Variants in ALPL observed in about 807,000 individuals in gnomAD.
ALPL encodes alkaline phosphatase, biomineralization associated, also known as alkaline phosphatase, tissue-nonspecific isozyme.
In ALPL, 42 loss-of-function variants were observed where a neutral mutation model predicts 51.3. The observed-to-expected ratio is 0.82, with a 90% CI of 0.64 to 1.06. The LOEUF (loss-of-function observed/expected upper bound fraction) is 1.06, where lower values mean the gene tolerates loss of function less well. Ranked by LOEUF, ALPL falls within the 50% of genes least tolerant of loss-of-function variation. The pLI is 0.00. For missense variants in ALPL, 589 were observed against 709.4 expected, an observed-to-expected ratio of 0.83 and a Z score of 1.93; for synonymous variants, 279 against 296.4, an observed-to-expected ratio of 0.94 and a Z score of 0.60.
chr1:21,535,768 A>T (rs1453637417), intron 1 of ALPL, among the ~76,000 whole-genome samples: 1 of 152,030 alleles, frequency 6.6e-6, no homozygotes. Flanking sequence ...AGTGGAACAA[A>T]CTCTCAAAGA....
intron 1 of ALPL, among the ~76,000 whole-genome samples, chr1:21,553,519 C>T (rs1644358797): frequency 6.6e-6 from 1 of 152,190 alleles, no homozygotes; most frequent in Non-Finnish European, 1.5e-5. Flanking sequence ...CAGGGCTTCT[C>T]AAGGTGTGGT....
At chr1:21,526,646 A>G (rs1215479008) in intron 1 of ALPL, among the ~76,000 whole-genome samples, 1 of 152,210 alleles carries the variant, frequency 6.6e-6, no homozygotes, top group African/African-American at 2.4e-5. Context: ...TGATGGTCAC[A>G]GGATGTGGTC....
chr1:21,519,401 G>T (rs148640553), intron 1 of ALPL, among the ~76,000 whole-genome samples: 1 of 152,226 alleles, frequency 6.6e-6, no homozygotes, highest in African/African-American at 2.4e-5. Context: ...TGATGAGTGC[G>T]ATACGTCTTT....
At chr1:21,537,666 A>T (rs981758749) in intron 1 of ALPL, among the ~76,000 whole-genome samples, 1 of 152,090 alleles carries the variant, frequency 6.6e-6, no homozygotes, top group African/African-American at 2.4e-5. Context: ...GAGCTCTGCC[A>T]TTGGTGACCG....
At chr1:21,522,015 A>G (rs1324767472) in intron 1 of ALPL, among the ~76,000 whole-genome samples, 1 of 151,912 alleles carries the variant, frequency 6.6e-6, no homozygotes, top group Non-Finnish European at 1.5e-5. Flanking sequence ...TCTGTGCCTC[A>G]GTTTCATGTG....
At chr1:21,530,022 G>A (rs1039252390) in intron 1 of ALPL, among the ~76,000 whole-genome samples, 6 of 152,094 alleles carry the variant, frequency 3.9e-5, no homozygotes, top group African/African-American at 7.2e-5. Flanking sequence ...TAATCCACCC[G>A]CCTTGGCTTC....
At chr1:21,555,331 G>A (rs1644398776) in intron 2 of ALPL, among the ~76,000 whole-genome samples, 1 of 152,188 alleles carries the variant, frequency 6.6e-6, no homozygotes, top group Non-Finnish European at 1.5e-5. Context: ...CTTCTTTTGT[G>A]ATTCTTCAGT....
At chr1:21,547,263 G>A (rs974018647) in intron 1 of ALPL, among the ~76,000 whole-genome samples, 1 of 144,926 alleles carries the variant, frequency 6.9e-6, no homozygotes, top group Non-Finnish European at 1.5e-5. Context: ...CCAGCACCCC[G>A]TTTCATCCCT....
At position 21,509,859 on chromosome 1, in the gene ALPL, TG is replaced by T. The variant is rs1322143511; in HGVS notation, c.-105+345del. On this transcript the variant is annotated intron_variant, in intron 1 of 11. Transcript: ENST00000374840. This position sits in a 1 kb window ranked among gnomAD's most constrained non-coding sequence, Gnocchi z 6.0. ...GCTGCCTGGGACCCTGCGCTCTGTC[TG>T]GGCACCTGCCCTTGGTGCCCCGTGA... is the stretch of plus-strand genomic sequence containing the variant. 6.6e-6 allele frequency among the ~76,000 whole-genome samples: 1 copy of T among 152,168 alleles called. No individual in the cohort carries two copies. The highest frequency in any genetic ancestry group is 2.4e-5 in the African/African-American group (1 of 41,448).
At chr1:21,516,442 C>T (rs1288733630) in intron 1 of ALPL, among the ~76,000 whole-genome samples, 1 of 152,150 alleles carries the variant, frequency 6.6e-6, no homozygotes, top group African/African-American at 2.4e-5. Context: ...GCCCAACATG[C>T]ACGTACTAGG....
At chr1:21,541,498 C>A (rs1037437527) in intron 1 of ALPL, among the ~76,000 whole-genome samples, 1 of 152,240 alleles carries the variant, frequency 6.6e-6, no homozygotes, top group African/African-American at 2.4e-5. Flanking sequence ...TTCCACCTAG[C>A]GACATTCCCT....
chr1:21,511,286 A>G (rs1218181375), intron 1 of ALPL, among the ~76,000 whole-genome samples: 1 of 152,210 alleles, frequency 6.6e-6, no homozygotes, highest in Non-Finnish European at 1.5e-5. Flanking sequence ...GGATTGGCCA[A>G]CCTTTGGCCC....
intron 1 of ALPL, among the ~76,000 whole-genome samples, chr1:21,548,838 G>A (rs1453642013): frequency 6.6e-6 from 1 of 152,146 alleles, no homozygotes; most frequent in Non-Finnish European, 1.5e-5. Context: ...AGTTGTAAGT[G>A]TCCTTGTACG....
intron 4 of ALPL, among the ~76,000 whole-genome samples, chr1:21,561,779 G>A (rs182274555): frequency 6.8e-6 from 1 of 147,672 alleles, no homozygotes; most frequent in Non-Finnish European, 1.5e-5. Context: ...TGATTCTTCT[G>A]CCTCAGCCTC....
chr1:21,516,178 C>T (rs1292843096), intron 1 of ALPL, among the ~76,000 whole-genome samples: 1 of 152,212 alleles, frequency 6.6e-6, no homozygotes, highest in African/African-American at 2.4e-5. Flanking sequence ...CTGCATCTGG[C>T]CAGCCTGGCC....
At chr1:21,545,333 C>T (rs1296798346) in intron 1 of ALPL, among the ~76,000 whole-genome samples, 1 of 152,042 alleles carries the variant, frequency 6.6e-6, no homozygotes, top group African/African-American at 2.4e-5. Context: ...CTCTGTCGCC[C>T]AGGCTGGAGT....
chr1:21,544,893 A>G (rs910590889), intron 1 of ALPL, among the ~76,000 whole-genome samples: 1 of 151,972 alleles, frequency 6.6e-6, no homozygotes, highest in Non-Finnish European at 1.5e-5. Flanking sequence ...AAATGCTAAA[A>G]CCAGGTTTTG....
rs777235122 is a variant in ALPL at position 21,560,680 on chromosome 1, A to G, written c.116A>G (p.Tyr39Cys). 5.6e-6 allele frequency: 9 copies of G among 1,614,036 alleles called. No individual in the cohort carries two copies. In the East Asian group the frequency reaches 1.6e-4, roughly 28 times the overall value. Residue 39 changes from tyrosine to cysteine, a missense_variant, in exon 3 of 12, where the codon TAT becomes TGT. Transcript: ENST00000374840. ...WRDQAQETLK[Y>C]ALELQKLNTN... ...GACCAAGCGCAAGAGACACTGAAAT[A>G]TGCCCTGGAGCTTCAGAAGCTCAAC... is the stretch of plus-strand genomic sequence containing the variant.
intron 2 of ALPL, among the ~76,000 whole-genome samples, chr1:21,558,050 A>G (rs1379806002): frequency 6.6e-6 from 1 of 152,250 alleles, no homozygotes; most frequent in Non-Finnish European, 1.5e-5. Flanking sequence ...CATATCATTT[A>G]GTAGTCTCCA....
Sources: allele counts gnomAD v4.1 joint callset (sites outside exome capture counted in the v4.1 genomes callset), GRCh38; gene constraint gnomAD v4.1.1; non-coding constraint Gnocchi (gnomAD v3.1); transcripts MANE v1.5; gene names NCBI Gene and HGNC (gene_info 2026-07-23, HGNC 2026-07-21).